The following CNTNAP4 variants were observed in gnomAD, a reference collection of about 807,000 sequenced individuals.
The protein encoded by CNTNAP4 is contactin-associated protein-like 4.
In CNTNAP4, 98 loss-of-function variants were observed where a neutral mutation model predicts 148.4. The observed-to-expected ratio is 0.66, with a 90% CI of 0.56 to 0.78. CNTNAP4 has a LOEUF of 0.78. CNTNAP4 is among the 30% of genes least tolerant of loss of function. CNTNAP4 has a pLI of 0.00. For missense variants in CNTNAP4, 1,935 were observed against 1,565.6 expected, an observed-to-expected ratio of 1.24 and a Z score of -3.98; for synonymous variants, 730 against 565.1, an observed-to-expected ratio of 1.29 and a Z score of -4.14.
At chr16:76,310,235 A>G (rs766149340) in intron 1 of CNTNAP4, among the ~76,000 whole-genome samples, 6 of 152,102 alleles carry the variant, frequency 3.9e-5, no homozygotes, top group Non-Finnish European at 8.8e-5. Flanking sequence ...GCCACCTGGG[A>G]TCCTGAAATG....
intron 4 of CNTNAP4, among the ~76,000 whole-genome samples, chr16:76,433,010 G>T (rs1338398349): frequency 1.3e-5 from 2 of 152,058 alleles, no homozygotes; most frequent in African/African-American, 4.8e-5. Context: ...TCTCAGCATA[G>T]AAATCTCTGC....
chr16:76,316,222 T>A (rs1961722149), intron 1 of CNTNAP4, 191 bp from the exon 2 acceptor site: 2 of 625,508 alleles, frequency 3.2e-6, no homozygotes, highest in Non-Finnish European at 5.7e-6. Context: ...TATTCTCCTG[T>A]CTTTAAGTTT....
At chr16:76,327,789 G>T (rs11861873) in intron 2 of CNTNAP4, among the ~76,000 whole-genome samples, 5,648 of 152,262 alleles carry the variant, frequency 0.037, 361 homozygotes, top group African/African-American at 0.13. Flanking sequence ...GAAACTTTCT[G>T]CTTTTGTTCT....
At chr16:76,392,529 G>T (rs771831456) in intron 3 of CNTNAP4, among the ~76,000 whole-genome samples, 2 of 151,928 alleles carry the variant, frequency 1.3e-5, no homozygotes, top group Non-Finnish European at 2.9e-5. Context: ...GACAATGTAA[G>T]ACTACTCTGA....
intron 23 of CNTNAP4, among the ~76,000 whole-genome samples, chr16:76,555,301 A>G (rs1568632941): frequency 6.6e-6 from 1 of 152,196 alleles, no homozygotes; most frequent in Non-Finnish European, 1.5e-5. Context: ...ATGATGTACA[A>G]ATTAAAGTTA....
intron 2 of CNTNAP4, among the ~76,000 whole-genome samples, chr16:76,342,446 A>G (rs1964543051): frequency 6.6e-6 from 1 of 151,412 alleles, no homozygotes; most frequent in African/African-American, 2.4e-5. Context: ...TATTTCCTAA[A>G]ATTATAAATT....
At chr16:76,331,264 T>G (rs1319504657) in intron 2 of CNTNAP4, among the ~76,000 whole-genome samples, 1 of 152,058 alleles carries the variant, frequency 6.6e-6, no homozygotes, top group African/African-American at 2.4e-5. Flanking sequence ...CTCGGCTCAC[T>G]GTAAGCTCCG....
intron 8 of CNTNAP4, among the ~76,000 whole-genome samples, chr16:76,454,111 C>CTT (rs11302612): frequency 3.8e-4 from 50 of 130,076 alleles, no homozygotes; most frequent in African/African-American, 1.1e-3. Context: ...CTATTTCTTT[C>CTT]TTTTTTTTTT....
At chr16:76,399,506 G>A (rs1040001063) in intron 3 of CNTNAP4, among the ~76,000 whole-genome samples, 3 of 152,162 alleles carry the variant, frequency 2.0e-5, no homozygotes, top group Non-Finnish European at 4.4e-5. Flanking sequence ...TCAGAATTCA[G>A]TTTGGGGATA....
At chr16:76,515,554 AC>A (rs1349198140) in intron 15 of CNTNAP4, among the ~76,000 whole-genome samples, 1 of 152,158 alleles carries the variant, frequency 6.6e-6, no homozygotes, top group African/African-American at 2.4e-5. Context: ...TTGATCTTTG[AC>A]TTTTAGCCTC....
At chr16:76,429,539 A>T (rs74026780) in intron 4 of CNTNAP4, among the ~76,000 whole-genome samples, 3,315 of 152,328 alleles carry the variant, frequency 0.022, 116 homozygotes, top group African/African-American at 0.077. Flanking sequence ...CACCCTTAGT[A>T]TGCATTAAAC....
intron 1 of CNTNAP4, among the ~76,000 whole-genome samples, chr16:76,311,177 T>A (rs1961063763): frequency 6.6e-6 from 1 of 152,156 alleles, no homozygotes; most frequent in South Asian, 2.1e-4. Context: ...TTTATTTGCT[T>A]ATGAGAATTA....
chr16:76,375,258 C>T (rs1417435722), intron 3 of CNTNAP4, among the ~76,000 whole-genome samples: 1 of 151,976 alleles, frequency 6.6e-6, no homozygotes, highest in Non-Finnish European at 1.5e-5. Flanking sequence ...CCTGTCTCCA[C>T]TAAAATTACA....
At chr16:76,471,561 G>A (rs552962393) in intron 10 of CNTNAP4, among the ~76,000 whole-genome samples, 25 of 152,074 alleles carry the variant, frequency 1.6e-4, no homozygotes, top group African/African-American at 5.3e-4. Flanking sequence ...TCAGGTTCTG[G>A]CCTCCAGCCT....
intron 17 of CNTNAP4, among the ~76,000 whole-genome samples, chr16:76,531,980 A>G (rs1200574511): frequency 1.3e-5 from 2 of 152,188 alleles, no homozygotes; most frequent in South Asian, 4.1e-4. Context: ...TCACATGTAT[A>G]TACATTTATT....
At chr16:76,315,773 C>G (rs1423981798) in intron 1 of CNTNAP4, among the ~76,000 whole-genome samples, 1 of 151,716 alleles carries the variant, frequency 6.6e-6, no homozygotes, top group Non-Finnish European at 1.5e-5. Flanking sequence ...TTTTTTATTT[C>G]TGGTAGAGAT....
Position 76,553,914 on chromosome 16 carries a change from A to G in CNTNAP4, c.3733+7A>G. 1 of 1,554,572 alleles carries G rather than the reference A, an allele frequency of 6.4e-7. No homozygotes were observed. ...GACTCTGCAGTAATTGGAGGTAATA[A>G]GAAGCATGAATGAGCTCTTCTTTGG... On this transcript the variant is annotated splice_region_variant and intron_variant, in intron 23 of 23. Transcript: ENST00000611870.
chr16:76,532,034 T>C (rs2084005907), intron 17 of CNTNAP4, among the ~76,000 whole-genome samples: 1 of 152,212 alleles, frequency 6.6e-6, no homozygotes, highest in Non-Finnish European at 1.5e-5. Context: ...TTCTTTACTG[T>C]GTATTTATTT....
chr16:76,412,175 ATAAGTAAAAG>A (rs1297198649), intron 3 of CNTNAP4, among the ~76,000 whole-genome samples: 3 of 151,606 alleles, frequency 2.0e-5, no homozygotes, highest in East Asian at 3.9e-4. Flanking sequence ...AGTAATGAAA[ATAAGTAAAAG>A]TATAAACAAT....
Sources: gnomAD v4.1 joint callset for allele counts (sites outside exome capture counted in the v4.1 genomes callset) on GRCh38, gnomAD v4.1.1 for gene constraint, MANE v1.5 for transcripts, NCBI Gene and HGNC (gene_info 2026-07-23, HGNC 2026-07-21) for gene names.